Variants in ADCY9 observed in about 807,000 individuals in gnomAD.
The protein encoded by ADCY9 is adenylate cyclase type 9.
Under a neutral mutation model 101.5 loss-of-function variants are expected in ADCY9, and 50 were observed. The observed-to-expected ratio is 0.49, with a 90% CI of 0.39 to 0.62. ADCY9 has a LOEUF of 0.62. Ranked by LOEUF, ADCY9 falls within the 20% of genes least tolerant of loss-of-function variation. The pLI, the probability that ADCY9 is intolerant of heterozygous loss-of-function variation, is 0.00. For synonymous variants in ADCY9, 905 were observed against 769.3 expected, an observed-to-expected ratio of 1.18 and a Z score of -2.92; for missense variants, 1,662 against 1,800.4, an observed-to-expected ratio of 0.92 and a Z score of 1.39.
At chr16:4,029,209 T>C (rs1192629207) in intron 2 of ADCY9, among the ~76,000 whole-genome samples, 2 of 151,890 alleles carry the variant, frequency 1.3e-5, no homozygotes, top group Non-Finnish European at 2.9e-5. Context: ...ATCTAGGAAA[T>C]AATATTATAG....
chr16:4,037,838 T>C lies in ADCY9; in HGVS notation c.1694-30280A>G, dbSNP rs1395267899. ...GTTAAGGAGGAGCATCAGAAGGCAG[T>C]GAACAGACGTGAGGCCTATCAGCTG... On this transcript the variant is annotated intron_variant, in intron 2 of 10. Transcript: ENST00000294016. Among the ~76,000 whole-genome samples the C allele has an allele frequency of 3.3e-5, 5 of 152,312 alleles. No homozygotes were observed. The East Asian group carries it at 9.6e-4, about 29-fold the overall frequency.
chr16:3,993,972 C>T (rs1043882084), intron 3 of ADCY9, among the ~76,000 whole-genome samples: 7 of 151,972 alleles, frequency 4.6e-5, no homozygotes, highest in East Asian at 1.9e-4. Flanking sequence ...GGCTGCCAGG[C>T]GGGACCGGGG....
chr16:3,969,103 C>A (rs536953964), intron 10 of ADCY9, among the ~76,000 whole-genome samples: 1 of 151,356 alleles, frequency 6.6e-6, no homozygotes, highest in Admixed American at 6.6e-5. Context: ...GGATCACAGG[C>A]GTGAGCCACC....
intron 3 of ADCY9, among the ~76,000 whole-genome samples, chr16:4,004,525 CTT>C (rs2056354131): frequency 6.6e-6 from 1 of 152,240 alleles, no homozygotes; most frequent in Non-Finnish European, 1.5e-5. Context: ...GGGCTTCTGA[CTT>C]CAGTCCTTCG....
chr16:4,107,716 C>G (rs567295269), intron 2 of ADCY9, among the ~76,000 whole-genome samples: 1 of 152,222 alleles, frequency 6.6e-6, no homozygotes, highest in South Asian at 2.1e-4. Flanking sequence ...CCTGAGCATG[C>G]AACTGAACCC....
chr16:3,986,396 C>A (rs2056193567), intron 6 of ADCY9, among the ~76,000 whole-genome samples: 1 of 152,204 alleles, frequency 6.6e-6, no homozygotes, highest in Non-Finnish European at 1.5e-5. Context: ...GTCATGTGGC[C>A]TCCTGTCTTG....
At chr16:4,065,952 C>A (rs901670226) in intron 2 of ADCY9, among the ~76,000 whole-genome samples, 3 of 152,256 alleles carry the variant, frequency 2.0e-5, no homozygotes, top group African/African-American at 7.2e-5. Flanking sequence ...GATCTGCCCG[C>A]CTTGGCCTCC....
At chr16:3,954,083 T>G (rs1419888848) in intron 5 of ADCY9, among the ~76,000 whole-genome samples, 1 of 152,198 alleles carries the variant, frequency 6.6e-6, no homozygotes, top group Non-Finnish European at 1.5e-5. Context: ...TTGGCACTCA[T>G]CTGGGTGTTA....
chr16:4,091,155 C>G (rs1385080902), intron 2 of ADCY9, among the ~76,000 whole-genome samples: 1 of 152,162 alleles, frequency 6.6e-6, no homozygotes, highest in Non-Finnish European at 1.5e-5. Context: ...CTCACTGCAA[C>G]CTCTGCCTTC....
At chr16:4,075,672 A>G (rs1448103150) in intron 2 of ADCY9, among the ~76,000 whole-genome samples, 1 of 152,146 alleles carries the variant, frequency 6.6e-6, no homozygotes, top group African/African-American at 2.4e-5. Flanking sequence ...AGTGAAGGGG[A>G]GACACAACTC....
intron 7 of ADCY9, 77 bp downstream of exon 7, chr16:3,983,136 GGCTGGGGACCAGTCCAACC>G: frequency 8.4e-7 from 1 of 1,183,776 alleles, no homozygotes; most frequent in Non-Finnish European, 1.2e-6. Context: ...AGGGACAGCT[GGCTGGGGACCAGTCCAACC>G]GCTCAGCCAT....
chr16:3,965,049 G>A lies in ADCY9; in HGVS notation c.*726C>T, dbSNP rs1597130288. On this transcript the variant is annotated 3_prime_UTR_variant, in exon 11 of 11. Coordinates refer to ENST00000294016, the MANE Select transcript of ADCY9 (RefSeq NM_001116.4). ...ACCCCCGAGGCCTGGGCACACGGGC[G>A]TCGTGCCCGGCTGGCATTTGCTGTC... 1.3e-5 allele frequency: 2 copies of A among 152,298 alleles called. No individual in the cohort carries two copies. Among genetic ancestry groups the A allele is most frequent in the East Asian group, 1.9e-4 (1 of 5,178 alleles). 9.4% of individuals were successfully genotyped at this position (152,298 alleles called of 1,614,324 possible).
At chr16:4,106,508 G>C (rs1292545362) in intron 2 of ADCY9, among the ~76,000 whole-genome samples, 1 of 152,170 alleles carries the variant, frequency 6.6e-6, no homozygotes, top group African/African-American at 2.4e-5. Flanking sequence ...GTTCCTGTTG[G>C]AAAAGGTCTT....
chr16:3,998,397 C>G (rs2056303962), intron 3 of ADCY9, among the ~76,000 whole-genome samples: 1 of 151,846 alleles, frequency 6.6e-6, no homozygotes, highest in South Asian at 2.1e-4. Flanking sequence ...GGTCATAGAG[C>G]AAGACCTTGT....
chr16:3,997,362 C>T (rs902632941), intron 3 of ADCY9, among the ~76,000 whole-genome samples: 1 of 152,236 alleles, frequency 6.6e-6, no homozygotes, highest in Non-Finnish European at 1.5e-5. Flanking sequence ...GGCTGGAAGG[C>T]CGGTGCAGCC....
intron 7 of ADCY9, among the ~76,000 whole-genome samples, chr16:3,981,342 A>T (rs1262333835): frequency 6.6e-6 from 1 of 152,156 alleles, no homozygotes; most frequent in Non-Finnish European, 1.5e-5. Flanking sequence ...AAAGGAATGG[A>T]GACAATGCTG....
Position 3,992,343 on chromosome 16 carries a change from G to T in ADCY9, c.2010C>A (p.Pro670=). 6.2e-7 allele frequency: 1 copy of T among 1,614,056 alleles called. No homozygotes were observed. The highest frequency in any genetic ancestry group is 1.1e-5 in the South Asian group (1 of 91,056). The change falls in exon 5 of 11, where the codon CCC becomes CCA. Residue 670 remains proline, a synonymous_variant. Coordinates refer to ENST00000294016, the MANE Select transcript of ADCY9 (RefSeq NM_001116.4). This position sits in a 1 kb window ranked among gnomAD's most constrained non-coding sequence, Gnocchi z 4.2. ...GGCTGAGGAGCCCGTTCTGAGTTTT[G>T]GGATTAGGTCCTCCAGAAGCCTGCC... ...NSTKASGGPN[P]KTQNGLLSPP...
intron 2 of ADCY9, among the ~76,000 whole-genome samples, chr16:4,081,745 A>G (rs866739956): frequency 1.5e-5 from 2 of 131,692 alleles, no homozygotes; most frequent in Non-Finnish European, 3.3e-5. Flanking sequence ...GGTAAAAGCA[A>G]GAGAGGGTGT....
At chr16:3,994,808 TAAGTA>T (rs1317609289) in intron 3 of ADCY9, among the ~76,000 whole-genome samples, 1 of 152,196 alleles carries the variant, frequency 6.6e-6, no homozygotes, top group African/African-American at 2.4e-5. Context: ...AAGCTGTTAT[TAAGTA>T]AAGAAACTGG....
Sources: gnomAD v4.1 joint callset for allele counts (sites outside exome capture counted in the v4.1 genomes callset) on GRCh38, gnomAD v4.1.1 for gene constraint, Gnocchi (gnomAD v3.1) non-coding constraint, MANE v1.5 for transcripts, NCBI Gene and HGNC (gene_info 2026-07-23, HGNC 2026-07-21) for gene names.